The following CHST11 variants were observed in gnomAD, a reference collection of about 807,000 sequenced individuals.
The protein encoded by CHST11 is C4S-1.
In CHST11, 9 loss-of-function variants were observed where a neutral mutation model predicts 30.4. That is an observed-to-expected ratio of 0.30 (90% CI 0.18 to 0.52). The LOEUF (loss-of-function observed/expected upper bound fraction) is 0.52. Ranked by LOEUF, CHST11 falls within the 20% of genes least tolerant of loss-of-function variation. The pLI, the probability that CHST11 is intolerant of heterozygous loss-of-function variation, is 0.97. For missense variants in CHST11, 348 were observed against 460.6 expected (o/e 0.76, Z 2.24); for synonymous variants, 152 against 187.8 (o/e 0.81, Z 1.56).
intron 1 of CHST11, among the ~76,000 whole-genome samples, chr12:104,504,802 C>A (rs938687437): frequency 6.6e-6 from 1 of 152,062 alleles, no homozygotes; most frequent in African/African-American, 2.4e-5. Flanking sequence ...ACCCATCCCC[C>A]TGTCTTGAAA....
chr12:104,518,854 C>T (rs1244900303), intron 1 of CHST11, among the ~76,000 whole-genome samples: 3 of 152,070 alleles, frequency 2.0e-5, no homozygotes, highest in Non-Finnish European at 4.4e-5. Context: ...AAGCAATTTA[C>T]TGTGTAATTC....
chr12:104,542,994 A>G (rs1410904896), intron 1 of CHST11, among the ~76,000 whole-genome samples: 2 of 152,214 alleles, frequency 1.3e-5, no homozygotes, highest in Non-Finnish European at 2.9e-5. Flanking sequence ...ATAAAGGGAT[A>G]CCTGAGGCTG....
At chr12:104,532,774 T>C (rs2038198282) in intron 1 of CHST11, among the ~76,000 whole-genome samples, 1 of 152,162 alleles carries the variant, frequency 6.6e-6, no homozygotes, top group Non-Finnish European at 1.5e-5. Flanking sequence ...ACTGTCCCAA[T>C]GATCCTACAA....
At chr12:104,497,709 C>T (rs1002837373) in intron 1 of CHST11, among the ~76,000 whole-genome samples, 24 of 152,170 alleles carry the variant, frequency 1.6e-4, no homozygotes, top group African/African-American at 5.8e-4. Flanking sequence ...ATGTCCACAT[C>T]TGTCTTCTTT....
At chr12:104,703,595 T>C (rs2040008007) in intron 2 of CHST11, among the ~76,000 whole-genome samples, 3 of 152,164 alleles carry the variant, frequency 2.0e-5, no homozygotes, top group Non-Finnish European at 4.4e-5. Flanking sequence ...CAGCCAGAGC[T>C]GGTCTACAGC....
intron 2 of CHST11, among the ~76,000 whole-genome samples, chr12:104,690,151 A>G (rs1159000639): frequency 6.6e-6 from 1 of 152,248 alleles, no homozygotes. Flanking sequence ...GATTGAGCAG[A>G]GCAAGCGAGA....
At chr12:104,724,251 C>T (rs1389851393) in intron 2 of CHST11, among the ~76,000 whole-genome samples, 4 of 152,150 alleles carry the variant, frequency 2.6e-5, no homozygotes, top group Middle Eastern at 6.8e-3. Context: ...ATGTATCTGA[C>T]GGCACCCGGA....
At chr12:104,635,858 T>G (rs2039318328) in intron 2 of CHST11, among the ~76,000 whole-genome samples, 1 of 152,088 alleles carries the variant, frequency 6.6e-6, no homozygotes, top group African/African-American at 2.4e-5. Flanking sequence ...CTATTATGTA[T>G]CCATAATAAT....
chr12:104,499,234 T>C (rs2037829348), intron 1 of CHST11, among the ~76,000 whole-genome samples: 2 of 152,334 alleles, frequency 1.3e-5, no homozygotes, highest in South Asian at 4.1e-4. Context: ...GATTTACTGC[T>C]TCGTACCTGG....
At chr12:104,683,220 GCAGT>G (rs1159095708) in intron 2 of CHST11, among the ~76,000 whole-genome samples, 4 of 152,140 alleles carry the variant, frequency 2.6e-5, no homozygotes, top group African/African-American at 9.7e-5. Context: ...AGACAACCCA[GCAGT>G]CAGACAAAAC....
At chr12:104,565,022 T>C (rs1049478762) in intron 1 of CHST11, among the ~76,000 whole-genome samples, 25 of 152,282 alleles carry the variant, frequency 1.6e-4, no homozygotes, top group African/African-American at 5.8e-4. Flanking sequence ...GTGGGGATTA[T>C]GGGAGCTACA....
intron 2 of CHST11, among the ~76,000 whole-genome samples, chr12:104,744,882 T>TTTAC (rs1181097550): frequency 1.2e-3 from 137 of 114,362 alleles, no homozygotes; most frequent in Non-Finnish European, 2.1e-3. Flanking sequence ...TATTTATTTA[T>TTTAC]TTATTTTTTG....
intron 1 of CHST11, among the ~76,000 whole-genome samples, chr12:104,536,327 C>T (rs2038236744): frequency 6.6e-6 from 1 of 152,192 alleles, no homozygotes; most frequent in Non-Finnish European, 1.5e-5. Flanking sequence ...CCAACCTCTT[C>T]TTCATATAGA....
chr12:104,544,138 A>AAGAAAGAAAGAAAGAAAGAAAG (rs1555231338), intron 1 of CHST11, among the ~76,000 whole-genome samples: 1 of 71,726 alleles, frequency 1.4e-5, no homozygotes, highest in African/African-American at 4.9e-5. Flanking sequence ...AAAAAAAAAA[A>AAGAAAGAAAGAAAGAAAGAAAG]AAAGAAAGAA....
At chr12:104,670,464 T>A (rs929063654) in intron 2 of CHST11, among the ~76,000 whole-genome samples, 1 of 66,774 alleles carries the variant, frequency 1.5e-5, no homozygotes, top group African/African-American at 8.2e-5. Context: ...AGTGCATATG[T>A]TCAGACCCAC....
At chr12:104,493,196 A>G (rs2037766223) in intron 1 of CHST11, among the ~76,000 whole-genome samples, 1 of 152,240 alleles carries the variant, frequency 6.6e-6, no homozygotes, top group South Asian at 2.1e-4. Flanking sequence ...ACGATGGCTC[A>G]GTGGTTTGCA....
chr12:104,522,798 A>G (rs1287804022), intron 1 of CHST11, among the ~76,000 whole-genome samples: 8 of 152,028 alleles, frequency 5.3e-5, no homozygotes, highest in Admixed American at 2.6e-4. Flanking sequence ...CATCATTCTG[A>G]AAGGCTCCCC....
At chr12:104,489,452 G>A (rs554822911) in intron 1 of CHST11, among the ~76,000 whole-genome samples, 1 of 152,014 alleles carries the variant, frequency 6.6e-6, no homozygotes, top group Admixed American at 6.6e-5. Context: ...TAAGGTCCTT[G>A]GGGGTAGGAA....
At chr12:104,637,894 C>T (rs1393344324) in intron 2 of CHST11, among the ~76,000 whole-genome samples, 1 of 152,210 alleles carries the variant, frequency 6.6e-6, no homozygotes, top group Non-Finnish European at 1.5e-5. Context: ...GTCCATGTCA[C>T]AAGCTCCCGG....
Sources: allele counts gnomAD v4.1 joint callset (sites outside exome capture counted in the v4.1 genomes callset), GRCh38; gene constraint gnomAD v4.1.1; transcripts MANE v1.5; gene names NCBI Gene and HGNC (gene_info 2026-07-23, HGNC 2026-07-21).